Variants in THADA observed in about 807,000 individuals in gnomAD.
The protein encoded by THADA is THADA armadillo repeat containing.
In THADA, 213 loss-of-function variants were observed where a neutral mutation model predicts 219.8. The observed-to-expected ratio is 0.97, with a 90% confidence interval of 0.87 to 1.09. THADA has a LOEUF of 1.09. Among genes scored for constraint, THADA ranks in the 50% least tolerant of loss-of-function variants. The pLI is 0.00. For synonymous variants in THADA, 1,018 were observed against 828.9 expected (o/e 1.23, Z -3.92); for missense variants, 2,956 against 2,311.3 (o/e 1.28, Z -5.72).
intron 1 of THADA, 49 bp from the exon 2 acceptor site, chr2:43,592,465 A>G: frequency 8.9e-7 from 1 of 1,127,622 alleles, no homozygotes; most frequent in Non-Finnish European, 1.3e-6. Context: ...TCTCAACCTC[A>G]GCACTATGAT....
intron 26 of THADA, among the ~76,000 whole-genome samples, chr2:43,446,249 T>C (rs1199713240): frequency 2.6e-5 from 4 of 152,262 alleles, no homozygotes; most frequent in African/African-American, 9.6e-5. Context: ...TTTCCAAAGA[T>C]GGTCAACAAA....
chr2:43,476,895 T>C lies in THADA; in HGVS notation c.3836+8339A>G, dbSNP rs571907081. 3.3e-5 allele frequency among the ~76,000 whole-genome samples: 5 copies of C among 152,282 alleles called. No homozygotes were observed. In the South Asian group the frequency reaches 8.3e-4, roughly 25 times the overall value. ...TGTTAGAAGATTCTAACCTAGAATA[T>C]AAAGTTCATTCTCTCAAAGAGGCAT... is the stretch of plus-strand genomic sequence containing the variant. On this transcript the variant is annotated intron_variant, in intron 26 of 37. Coordinates refer to ENST00000405975, the MANE Select transcript of THADA (RefSeq NM_022065.5).
At chr2:43,426,294 A>G (rs1678412769) in intron 28 of THADA, among the ~76,000 whole-genome samples, 1 of 152,240 alleles carries the variant, frequency 6.6e-6, no homozygotes, top group African/African-American at 2.4e-5. Flanking sequence ...TATTATTTCT[A>G]GGATGCAATG....
In THADA at chr2:43,230,979, A is replaced by C; in HGVS notation, c.5831T>G (p.Leu1944Ter). ...VWDSYAESRQ[L>*]TLPRTEAAC ...TGCCGCTTCTGTTCTTGGAAGAGTTAACTGCCTCGATTCTGCATAAGAGTC... is the reference window on the plus strand; with the variant it reads ...TGCCGCTTCTGTTCTTGGAAGAGTTCACTGCCTCGATTCTGCATAAGAGTC... The change falls in exon 38 of 38, where the codon TTA becomes TGA. Residue 1944 changes from leucine to a stop codon, truncating the protein, a stop_gained. Coordinates refer to ENST00000405975, the MANE Select transcript of THADA (RefSeq NM_022065.5). LOFTEE classifies it high-confidence loss of function. 1 of 1,612,928 alleles carries C rather than the reference A, an allele frequency of 6.2e-7. No homozygotes were observed. The highest frequency in any genetic ancestry group is 1.1e-5 in the South Asian group (1 of 91,026).
chr2:43,251,623 G>A (rs560011141), intron 36 of THADA, among the ~76,000 whole-genome samples: 143 of 152,316 alleles, frequency 9.4e-4, no homozygotes, highest in African/African-American at 3.4e-3. Context: ...GATGTGGCAG[G>A]GCCACAGGGA....
intron 26 of THADA, among the ~76,000 whole-genome samples, chr2:43,448,560 C>CTTTTTTTTTTTTTTTTTTTTTTTTTTTT (rs71410179): frequency 2.9e-5 from 3 of 103,630 alleles, no homozygotes; most frequent in Non-Finnish European, 3.8e-5. Flanking sequence ...TTCTTCCTTT[C>CTTTTTTTTTTTTTTTTTTTTTTTTTTTT]TTTTTTTTTT....
In THADA at chr2:43,398,027, G is replaced by A. The variant is rs1435614948; in HGVS notation, c.4171C>T (p.Pro1391Ser). ...NTIRTLLSTL[P>S]SCTDQCFRQN... is the part of the protein sequence containing the mutation. ...CGGAAACACTGGTCAGTGCAGCTGG[G>A]GAGTGTGGACAACAGAGTTCGAATG... Residue 1391 changes from proline (P) to serine (S), a missense_variant, in exon 29 of 38, where the codon CCC (proline) becomes TCC (serine). By Grantham distance (74) the Pro-to-Ser change is moderately conservative. Transcript: ENST00000405975. 6.2e-7 allele frequency: 1 copy of A among 1,613,990 alleles called. No homozygotes were observed. Among genetic ancestry groups the A allele is most frequent in the Non-Finnish European group, 8.5e-7 (1 of 1,179,866 alleles).
At chr2:43,540,821 G>A (rs1480885908) in intron 21 of THADA, among the ~76,000 whole-genome samples, 1 of 152,116 alleles carries the variant, frequency 6.6e-6, no homozygotes, top group African/African-American at 2.4e-5. Context: ...AAATTTAAGA[G>A]ATTTGTGGAG....
At chr2:43,595,758 TG>T (rs1461508261) in intron 1 of THADA, 172 bp downstream of exon 1, 1 of 152,258 alleles carries the variant, frequency 6.6e-6, no homozygotes, top group Non-Finnish European at 1.5e-5. Flanking sequence ...TGGGAGAAAG[TG>T]GTTAAAGTGC....
chr2:43,542,700 T>C (rs1250178873), intron 20 of THADA, among the ~76,000 whole-genome samples: 1 of 152,192 alleles, frequency 6.6e-6, no homozygotes, highest in Non-Finnish European at 1.5e-5. Context: ...ACCACATTGC[T>C]GGGAGAAGTT....
At chr2:43,381,776 A>ACCAT (rs1283006108) in intron 29 of THADA, among the ~76,000 whole-genome samples, 1 of 151,994 alleles carries the variant, frequency 6.6e-6, no homozygotes, top group East Asian at 1.9e-4. Flanking sequence ...ACGGGGTTTC[A>ACCAT]CCATGGCCCC....
intron 30 of THADA, among the ~76,000 whole-genome samples, chr2:43,342,817 G>C (rs1165323792): frequency 6.6e-6 from 1 of 152,114 alleles, no homozygotes; most frequent in Non-Finnish European, 1.5e-5. Context: ...AGGCTAGCAG[G>C]TAGCCTGTGC....
chr2:43,591,072 AC>A, intron 3 of THADA, 118 bp from the exon 4 acceptor site: 3 of 919,428 alleles, frequency 3.3e-6, no homozygotes, highest in Non-Finnish European at 4.8e-6. Flanking sequence ...TGTAATCCCA[AC>A]ACTTTGGGAG....
chr2:43,445,801 G>A (rs571159447), intron 26 of THADA, among the ~76,000 whole-genome samples: 4 of 152,330 alleles, frequency 2.6e-5, no homozygotes, highest in East Asian at 3.9e-4. Context: ...AGCCTCCTAA[G>A]TAGCTGAGAC....
At chr2:43,267,432 G>A (rs1269676753) in intron 36 of THADA, among the ~76,000 whole-genome samples, 1 of 152,172 alleles carries the variant, frequency 6.6e-6, no homozygotes, top group African/African-American at 2.4e-5. Context: ...GAAGATGGCA[G>A]ATTGCGAGAA....
At chr2:43,430,182 G>C (rs1679051856) in intron 27 of THADA, 31 bp downstream of exon 27, 1 of 1,158,478 alleles carries the variant, frequency 8.6e-7, no homozygotes, top group African/African-American at 1.6e-5. Flanking sequence ...CATCCTTGAG[G>C]TCATTTTGCC....
chr2:43,348,926 T>A (rs1667943955), intron 29 of THADA, among the ~76,000 whole-genome samples: 1 of 152,166 alleles, frequency 6.6e-6, no homozygotes, highest in Non-Finnish European at 1.5e-5. Flanking sequence ...TGCTTACCCC[T>A]AGCTGTAATA....
At chr2:43,591,009 A>G in intron 3 of THADA, 55 bp from the exon 4 acceptor site, 6 of 1,519,034 alleles carry the variant, frequency 3.9e-6, no homozygotes, top group Admixed American at 1.8e-5. Flanking sequence ...GCAAAGTAAC[A>G]TGGTTACAGA....
At chr2:43,329,652 C>A (rs907355541) in intron 30 of THADA, among the ~76,000 whole-genome samples, 1 of 152,036 alleles carries the variant, frequency 6.6e-6, no homozygotes, top group African/African-American at 2.4e-5. Flanking sequence ...GTGACCTAGC[C>A]AAGACAAGGG....
Sources: allele counts gnomAD v4.1 joint callset (sites outside exome capture counted in the v4.1 genomes callset), GRCh38; gene constraint gnomAD v4.1.1; transcripts MANE v1.5; gene names NCBI Gene and HGNC (gene_info 2026-07-23, HGNC 2026-07-21).